SNTG1: variants seen among roughly 807,000 people sequenced by gnomAD.
SNTG1 encodes gamma-1-syntrophin.
Under a neutral mutation model 74.7 loss-of-function variants are expected in SNTG1, and 39 were observed. That is an observed-to-expected ratio of 0.52 (90% CI 0.40 to 0.68). SNTG1 has a LOEUF of 0.68. Ranked by LOEUF, SNTG1 falls within the 30% of genes least tolerant of loss-of-function variation. The probability of loss-of-function intolerance (pLI) is 0.00; values close to 1 mark genes in which losing one functional copy is unlikely to be tolerated. For synonymous variants in SNTG1, 254 were observed against 217.1 expected (o/e 1.17, Z -1.49); for missense variants, 685 against 609.5 (o/e 1.12, Z -1.30).
intron 15 of SNTG1, 34 bp from the exon 16 acceptor site, chr8:50,704,566 T>C: frequency 6.2e-7 from 1 of 1,613,790 alleles, no homozygotes; most frequent in South Asian, 1.1e-5. Context: ...TGAAGTGATG[T>C]GTGCCAGCCT....
chr8:50,619,093 T>G (rs1261958228), intron 13 of SNTG1, among the ~76,000 whole-genome samples: 1 of 152,106 alleles, frequency 6.6e-6, no homozygotes, highest in Non-Finnish European at 1.5e-5. Context: ...AATTTAAGCT[T>G]TATATTATGT....
At chr8:49,972,888 A>G (rs1585721421) in intron 1 of SNTG1, among the ~76,000 whole-genome samples, 1 of 152,188 alleles carries the variant, frequency 6.6e-6, no homozygotes, top group Non-Finnish European at 1.5e-5. Context: ...GGATGTGGAG[A>G]AATAGGGACG....
chr8:50,525,808 G>T (rs780055259), intron 9 of SNTG1, among the ~76,000 whole-genome samples: 2 of 147,852 alleles, frequency 1.4e-5, no homozygotes, highest in Admixed American at 1.3e-4. Context: ...TCTTTGAGAT[G>T]ATTATTTTGT....
intron 1 of SNTG1, among the ~76,000 whole-genome samples, chr8:49,982,934 T>A (rs1001854646): frequency 6.6e-6 from 1 of 152,200 alleles, no homozygotes; most frequent in African/African-American, 2.4e-5. Context: ...TGTAAAGTTA[T>A]TGATTTTTAA....
intron 2 of SNTG1, among the ~76,000 whole-genome samples, chr8:50,387,060 A>C (rs1192238463): frequency 6.6e-6 from 1 of 152,110 alleles, no homozygotes; most frequent in African/African-American, 2.4e-5. Flanking sequence ...CTTCCTGTCT[A>C]TTTTGCTTCT....
chr8:50,788,525 TG>T (rs1257584561), intron 18 of SNTG1, among the ~76,000 whole-genome samples: 1 of 151,906 alleles, frequency 6.6e-6, no homozygotes, highest in African/African-American at 2.4e-5. Context: ...ACGCTAAGCG[TG>T]TGGGAGTTGT....
intron 1 of SNTG1, among the ~76,000 whole-genome samples, chr8:50,035,434 G>C (rs1818073826): frequency 6.6e-6 from 1 of 152,134 alleles, no homozygotes; most frequent in Non-Finnish European, 1.5e-5. Context: ...CAGGAAGTAA[G>C]GTTTGAGCCC....
At chr8:50,076,311 T>C (rs945758086) in intron 1 of SNTG1, among the ~76,000 whole-genome samples, 6 of 152,162 alleles carry the variant, frequency 3.9e-5, no homozygotes, top group African/African-American at 1.2e-4. Context: ...AAAAAAAACC[T>C]GAATTCTTTT....
chr8:50,391,757 T>G (rs926118673), intron 2 of SNTG1, among the ~76,000 whole-genome samples: 1 of 152,226 alleles, frequency 6.6e-6, no homozygotes, highest in Non-Finnish European at 1.5e-5. Flanking sequence ...AGCCTGTTAT[T>G]GGTCTATTCA....
intron 4 of SNTG1, among the ~76,000 whole-genome samples, chr8:50,436,549 G>A (rs1453150666): frequency 2.0e-5 from 3 of 152,024 alleles, no homozygotes; most frequent in African/African-American, 7.2e-5. Context: ...TAATTGCTAT[G>A]TATTATTTAT....
intron 18 of SNTG1, among the ~76,000 whole-genome samples, chr8:50,768,229 A>C (rs2095618646): frequency 6.6e-6 from 1 of 152,114 alleles, no homozygotes; most frequent in Admixed American, 6.6e-5. Context: ...GAAATTGAGG[A>C]TTGACTCCCA....
chr8:50,062,755 T>C (rs1820586174), intron 1 of SNTG1, among the ~76,000 whole-genome samples: 1 of 152,220 alleles, frequency 6.6e-6, no homozygotes, highest in South Asian at 2.1e-4. Context: ...CCACAAACAA[T>C]GGTTTAATGT....
intron 2 of SNTG1, among the ~76,000 whole-genome samples, chr8:50,184,024 C>T (rs1156356249): frequency 6.6e-6 from 1 of 151,896 alleles, no homozygotes; most frequent in African/African-American, 2.4e-5. Flanking sequence ...TTCACTTTTA[C>T]ATTGGATTCC....
intron 18 of SNTG1, among the ~76,000 whole-genome samples, chr8:50,780,619 G>A (rs191074195): frequency 1.1e-3 from 168 of 152,070 alleles, no homozygotes; most frequent in African/African-American, 3.9e-3. Flanking sequence ...CCTTGCTAGT[G>A]GTCTATCAAC....
chr8:50,607,338 T>C (rs1329301179), intron 13 of SNTG1, among the ~76,000 whole-genome samples: 1 of 151,672 alleles, frequency 6.6e-6, no homozygotes, highest in Non-Finnish European at 1.5e-5. Flanking sequence ...TATCTAGTCC[T>C]GGAATTTGAT....
At chr8:49,916,447 A>T (rs1490241917) in intron 1 of SNTG1, among the ~76,000 whole-genome samples, 4 of 152,096 alleles carry the variant, frequency 2.6e-5, no homozygotes, top group Admixed American at 1.3e-4. Flanking sequence ...TTTCAAAAAG[A>T]GTGTCATTAA....
chr8:50,306,244 G>A (rs1587045894), intron 2 of SNTG1, among the ~76,000 whole-genome samples: 1 of 151,974 alleles, frequency 6.6e-6, no homozygotes, highest in East Asian at 1.9e-4. Context: ...TTTTATTACT[G>A]AGTAGTATTC....
chr8:50,630,925 G>A (rs1046015135), intron 13 of SNTG1, among the ~76,000 whole-genome samples: 2 of 152,138 alleles, frequency 1.3e-5, no homozygotes, highest in South Asian at 2.1e-4. Context: ...CATCCGAAAC[G>A]TCTCTGGGTT....
At chr8:50,714,800 T>A (rs1411889474) in intron 17 of SNTG1, among the ~76,000 whole-genome samples, 1 of 151,950 alleles carries the variant, frequency 6.6e-6, no homozygotes. Context: ...CAATCTAATT[T>A]ACACAGTGGA....
Sources: gnomAD v4.1 joint callset for allele counts (sites outside exome capture counted in the v4.1 genomes callset) on GRCh38, gnomAD v4.1.1 for gene constraint, MANE v1.5 for transcripts, NCBI Gene and HGNC (gene_info 2026-07-23, HGNC 2026-07-21) for gene names.